Variants in GLS observed in about 807,000 individuals in gnomAD.
The protein encoded by GLS is glutaminase.
GLS carries 36 observed loss-of-function variants against 86.7 expected under a neutral mutation model. The observed-to-expected ratio is 0.42, with a 90% CI of 0.32 to 0.55. The LOEUF is 0.55. Among genes scored for constraint, GLS ranks in the 20% least tolerant of loss-of-function variants. The pLI is 0.17. For missense variants in GLS, 528 were observed against 833.4 expected (o/e 0.63, Z 4.51); for synonymous variants, 317 against 305.9 (o/e 1.04, Z -0.38).
chr2:190,895,383 C>A lies in GLS; in HGVS notation c.483+135C>A. 1.9e-6 allele frequency: 1 copy of A among 540,136 alleles called. No homozygotes were observed. The allele number at this position is 540,136 out of a possible 1,614,324, so 33.5% of individuals were successfully genotyped here. ...GACAATATTTCTCTTATTATGTTTT[C>A]AAATTTTTGTCATGCTCATTTCAAG... On this transcript the variant is annotated intron_variant, in intron 2 of 17. Coordinates refer to ENST00000320717, the MANE Select transcript of GLS (RefSeq NM_014905.5). This position sits in a 1 kb window ranked among gnomAD's most constrained non-coding sequence, Gnocchi z 4.2.
chr2:190,941,446 G>A (rs992859485), intron 14 of GLS, among the ~76,000 whole-genome samples: 1 of 152,072 alleles, frequency 6.6e-6, no homozygotes, highest in Non-Finnish European at 1.5e-5. Context: ...AGGAGGGAAT[G>A]GAATGGATGC....
chr2:190,930,661 C>A lies in GLS; in HGVS notation c.1557+93C>A. 8.5e-7 allele frequency: 1 copy of A among 1,183,428 alleles called. No individual in the cohort carries two copies. Among genetic ancestry groups the A allele is most frequent in the Non-Finnish European group, 1.2e-6 (1 of 831,754 alleles). 73.3% of individuals were successfully genotyped at this position (1,183,428 alleles called of 1,614,324 possible). On this transcript the variant is annotated intron_variant, in intron 13 of 17. Transcript: ENST00000320717. This position sits in a 1 kb window ranked among gnomAD's most constrained non-coding sequence, Gnocchi z 5.0. Reference sequence around the variant, plus strand: ...ACCCATTTTCCATAGTTCATTAACTCTTGGCCCTCCGCCTATAGTGTGCCA... The same window carrying A: ...ACCCATTTTCCATAGTTCATTAACTATTGGCCCTCCGCCTATAGTGTGCCA...
chr2:190,907,069 C>T (rs886300424), intron 6 of GLS, among the ~76,000 whole-genome samples: 3 of 151,342 alleles, frequency 2.0e-5, no homozygotes, highest in African/African-American at 7.3e-5. Context: ...GGACTACAGG[C>T]ACCCGCCAGC....
chr2:190,953,801 G>C lies in GLS; in HGVS notation c.1712+175G>C, dbSNP rs1370717947. Among the ~76,000 whole-genome samples, 2 of 152,042 alleles carry C rather than the reference G, an allele frequency of 1.3e-5. No homozygotes were observed. The highest frequency in any genetic ancestry group is 4.8e-5 in the African/African-American group (2 of 41,378). The stretch of plus-strand genomic sequence containing the variant: ...TGCCTTAGGCCTGCTTTCCAATCTT[G>C]TCCTTTTCTGCCTCCTATAAAAAAG... On this transcript the variant is annotated intron_variant, in intron 15 of 17. Transcript: ENST00000320717. The surrounding 1 kb of genome is among the most constrained non-coding windows in gnomAD (Gnocchi z 4.0).
At chr2:190,928,683 A>G (rs1265374383) in intron 12 of GLS, among the ~76,000 whole-genome samples, 8 of 147,592 alleles carry the variant, frequency 5.4e-5, no homozygotes, top group Non-Finnish European at 1.2e-4. Context: ...GATGAGGTGC[A>G]TACATTATGA....
intron 1 of GLS, among the ~76,000 whole-genome samples, chr2:190,885,096 G>A (rs968147243): frequency 6.6e-6 from 1 of 152,152 alleles, no homozygotes; most frequent in Non-Finnish European, 1.5e-5. Context: ...GCTAGCTTTA[G>A]TTAGTATGGA....
chr2:190,909,742 C>G (rs531568843), intron 6 of GLS, among the ~76,000 whole-genome samples: 3 of 152,084 alleles, frequency 2.0e-5, no homozygotes, highest in African/African-American at 7.2e-5. Context: ...TACAGAAAGC[C>G]TAAAAATATC....
At position 190,947,707 on chromosome 2, in the gene GLS, G is replaced by T. The variant is rs1400036570; in HGVS notation, c.1651-5858G>T. On this transcript the variant is annotated intron_variant, in intron 14 of 17. Coordinates refer to ENST00000320717, the MANE Select transcript of GLS (RefSeq NM_014905.5). The surrounding 1 kb of genome is among the most constrained non-coding windows in gnomAD (Gnocchi z 5.0). ...TTTCTGGACTTTGGCCTCCTTGACA[G>T]GTATTTTAAAATCAATGTAACTCAA... Among the ~76,000 whole-genome samples, 1 of 152,138 alleles carries T rather than the reference G, an allele frequency of 6.6e-6. No individual in the cohort carries two copies. The highest frequency in any genetic ancestry group is 1.5e-5 in the Non-Finnish European group (1 of 68,018).
chr2:190,894,407 G>A (rs2125981698), intron 1 of GLS, among the ~76,000 whole-genome samples: 1 of 152,050 alleles, frequency 6.6e-6, no homozygotes, highest in African/African-American at 2.4e-5. Context: ...TGGATGCAAA[G>A]GGCTGACTAG....
chr2:190,900,232 G>T (rs1688893081), intron 3 of GLS, among the ~76,000 whole-genome samples: 1 of 152,276 alleles, frequency 6.6e-6, no homozygotes, highest in East Asian at 1.9e-4. Context: ...TTAACCAGAT[G>T]TCGTCATGCT....
chr2:190,902,359 C>A (rs1243844274), intron 5 of GLS, among the ~76,000 whole-genome samples: 1 of 152,128 alleles, frequency 6.6e-6, no homozygotes, highest in Non-Finnish European at 1.5e-5. Context: ...TAAAATTAGT[C>A]CCTATTTCTC....
rs1175038201 is a variant in GLS, at chr2:190,962,252, G to A, written c.1854-578G>A. 6.6e-5 allele frequency among the ~76,000 whole-genome samples: 10 copies of A among 152,204 alleles called. No homozygotes were observed. The highest frequency in any genetic ancestry group is 1.0e-4 in the Non-Finnish European group (7 of 68,030). Reference sequence around the variant, plus strand: ...AGTTACTCTTCTGGTGTAGTGGTCCGATTGAGTCCATGGCTTCCCAGCCTT... The same window carrying A: ...AGTTACTCTTCTGGTGTAGTGGTCCAATTGAGTCCATGGCTTCCCAGCCTT... On this transcript the variant is annotated intron_variant, in intron 17 of 17. Transcript: ENST00000320717. The surrounding 1 kb of genome is among the most constrained non-coding windows in gnomAD (Gnocchi z 4.2).
In GLS at chr2:190,881,100, G is replaced by C. The variant is rs1330173280; in HGVS notation, c.16G>C (p.Gly6Arg). The change falls in exon 1 of 18, where the codon GGC becomes CGC. Residue 6 changes from glycine (G) to arginine (R), a missense_variant. This residue lies in a region of GLS where 224 missense variants were observed against 187.9 expected (regional missense o/e 1.19). Coordinates refer to ENST00000320717, the MANE Select transcript of GLS (RefSeq NM_014905.5). The stretch of plus-strand genomic sequence containing the variant: ...ACCCGGCGGCATGATGCGGCTGCGA[G>C]GCTCGGGGATGCTGCGGGACCTGCT... MMRLR[G>R]SGMLRDLLLR... 7.7e-6 allele frequency: 12 copies of C among 1,561,904 alleles called. No homozygotes were observed. Among genetic ancestry groups the C allele is most frequent in the Non-Finnish European group, 1.0e-5 (12 of 1,161,642 alleles).
Position 190,921,245 on chromosome 2 carries a change from A to G in GLS, c.1130+42A>G, listed in dbSNP as rs1376754908. The G allele has an allele frequency of 2.4e-6, 3 of 1,256,026 alleles. No individual in the cohort carries two copies. The highest frequency in any genetic ancestry group is 1.7e-5 in the Admixed American group (1 of 59,422). 77.8% of individuals were successfully genotyped at this position (1,256,026 alleles called of 1,614,324 possible). A position where few individuals can be genotyped will look rare whatever the true frequency, so the allele number is the denominator to read the frequency against. Reference sequence around the variant, plus strand: ...CTGTTTTGTTACGTAAAAACACACAACTGTATTTAGAATTGATCCACTCTC... The same window carrying G: ...CTGTTTTGTTACGTAAAAACACACAGCTGTATTTAGAATTGATCCACTCTC... On this transcript the variant is annotated intron_variant, in intron 9 of 17. Transcript: ENST00000320717. The surrounding 1 kb of genome is among the most constrained non-coding windows in gnomAD (Gnocchi z 4.2).
intron 14 of GLS, chr2:190,934,631 C>A (rs772070305): frequency 2.0e-6 from 2 of 984,204 alleles, no homozygotes; most frequent in Non-Finnish European, 2.4e-6. Context: ...TAAATTGTTA[C>A]ATTTTACCAT....
chr2:190,896,063 C>T (rs1366361106), intron 3 of GLS: 1 of 162,334 alleles, frequency 6.2e-6, no homozygotes, highest in Non-Finnish European at 1.4e-5. Flanking sequence ...CACGCTTTCT[C>T]AGCATGGTCT....
At position 190,941,860 on chromosome 2, in the gene GLS, T is replaced by TA. The variant is rs566189427; in HGVS notation, c.1650+10224dup. 4.6e-5 allele frequency among the ~76,000 whole-genome samples: 7 copies of TA among 152,160 alleles called. No individual in the cohort carries two copies. The South Asian group carries it at 8.3e-4, about 18-fold the overall frequency. On this transcript the variant is annotated intron_variant, in intron 14 of 17. Transcript: ENST00000320717. ...ATATTTCGATGTACATCAGAATTGT[T>TA]AGAGTGTCTTAATTTTAAAATACAG...
intron 3 of GLS, among the ~76,000 whole-genome samples, chr2:190,899,188 A>G (rs1016245942): frequency 2.0e-5 from 3 of 152,176 alleles, no homozygotes; most frequent in Admixed American, 2.0e-4. Context: ...TTGAAACATT[A>G]AAAATATTAA....
At position 190,920,990 on chromosome 2, in the gene GLS, T is replaced by C. The variant is rs759126297; in HGVS notation, c.1039-34T>C. The C allele has an allele frequency of 3.3e-6, 4 of 1,218,818 alleles. No homozygotes were observed. Among genetic ancestry groups the C allele is most frequent in the Non-Finnish European group, 4.9e-6 (4 of 822,982 alleles). The allele number at this position is 1,218,818 out of a possible 1,614,324, so 75.5% of individuals were successfully genotyped here. ...TGAAACTTAACTGTAGTGGTACCTATATTAACGTATTTATGTCTCTTATTT... is the reference window on the plus strand; with the variant it reads ...TGAAACTTAACTGTAGTGGTACCTACATTAACGTATTTATGTCTCTTATTT... On this transcript the variant is annotated intron_variant, in intron 7 of 17. Transcript: ENST00000320717. The surrounding 1 kb of genome is among the most constrained non-coding windows in gnomAD (Gnocchi z 4.2).
Sources: allele counts gnomAD v4.1 joint callset (sites outside exome capture counted in the v4.1 genomes callset), GRCh38; gene constraint gnomAD v4.1.1; regional missense constraint gnomAD v4.1.1; non-coding constraint Gnocchi (gnomAD v3.1); transcripts MANE v1.5; gene names NCBI Gene and HGNC (gene_info 2026-07-23, HGNC 2026-07-21).